COG5: variants seen among roughly 807,000 people sequenced by gnomAD.
The protein encoded by COG5 is conserved oligomeric Golgi complex subunit 5.
Under a neutral mutation model 110.4 loss-of-function variants are expected in COG5, and 86 were observed. The observed-to-expected ratio is 0.78, with a 90% CI of 0.65 to 0.93. COG5 has a LOEUF of 0.93. COG5 is among the 40% of genes least tolerant of loss of function. COG5 has a pLI of 0.00. For missense variants in COG5, 1,077 were observed against 987.0 expected (o/e 1.09, Z -1.22); for synonymous variants, 360 against 334.6 (o/e 1.08, Z -0.83).
At chr7:107,244,773 CTAA>C (rs1229524337) in intron 17 of COG5, among the ~76,000 whole-genome samples, 1 of 152,112 alleles carries the variant, frequency 6.6e-6, no homozygotes, top group African/African-American at 2.4e-5. Flanking sequence ...CCTGAACAGA[CTAA>C]TAATGAGTTC....
intron 10 of COG5, among the ~76,000 whole-genome samples, chr7:107,354,204 G>T (rs1453160542): frequency 6.6e-6 from 1 of 152,132 alleles, no homozygotes; most frequent in Non-Finnish European, 1.5e-5. Context: ...CTTGACATTA[G>T]TTTATTTAAG....
At chr7:107,358,991 G>T (rs552893242) in intron 10 of COG5, among the ~76,000 whole-genome samples, 2 of 152,160 alleles carry the variant, frequency 1.3e-5, no homozygotes, top group African/African-American at 2.4e-5. Context: ...ATATGCTGGC[G>T]ATGGCAGGGG....
intron 6 of COG5, among the ~76,000 whole-genome samples, chr7:107,509,897 A>C (rs1460995979): frequency 2.0e-5 from 3 of 152,350 alleles, no homozygotes; most frequent in East Asian, 3.9e-4. Context: ...CTCCTGAAAG[A>C]AGCACTAAAC....
intron 19 of COG5, among the ~76,000 whole-genome samples, chr7:107,217,731 T>C (rs915663617): frequency 1.3e-5 from 2 of 152,032 alleles, no homozygotes; most frequent in East Asian, 3.9e-4. Context: ...AACGGCCACA[T>C]ACGATAAGCC....
At chr7:107,215,245 A>G (rs1302085091) in intron 19 of COG5, among the ~76,000 whole-genome samples, 1 of 152,216 alleles carries the variant, frequency 6.6e-6, no homozygotes, top group Non-Finnish European at 1.5e-5. Context: ...ACAAGGAAAC[A>G]AAGCATCCAC....
In COG5 at chr7:107,201,491, A is replaced by ACT; in HGVS notation, c.*2023_*2024dup. The ACT allele has an allele frequency of 3.8e-6, 4 of 1,064,770 alleles. No individual in the cohort carries two copies. The highest frequency in any genetic ancestry group is 5.8e-6 in the Non-Finnish European group (4 of 690,360). 66.0% of individuals were successfully genotyped at this position (1,064,770 alleles called of 1,614,324 possible). On this transcript the variant is annotated 3_prime_UTR_variant, in exon 22 of 22. Transcript: ENST00000297135. The stretch of plus-strand genomic sequence containing the variant: ...ATATACATTGACTCTTGATGGAAAG[A>ACT]CTTAAGAAGATCAAGGTCTCACCAT...
In COG5 at chr7:107,462,544, A is replaced by G. The variant is rs6949860; in HGVS notation, c.539-49912T>C. 5.4e-3 allele frequency among the ~76,000 whole-genome samples: 821 copies of G among 151,208 alleles called. 8 individuals are homozygous for G. The highest frequency in any genetic ancestry group is 0.019 in the African/African-American group (791 of 41,056). The stretch of plus-strand genomic sequence containing the variant: ...GGGGAGCCTTAAACCCCAGAGGGAA[A>G]GGCAACAACCCCAATATGCTTTGAG... On this transcript the variant is annotated intron_variant, in intron 6 of 21. Transcript: ENST00000297135.
In COG5 at chr7:107,457,360, G is replaced by GA. The variant is rs1491182439; in HGVS notation, c.539-44729dup. ...TACCCAAACAAATTAAAGCTATGAG[G>GA]AGAAAAAAAAAAAAAAAAGCATCAA... On this transcript the variant is annotated intron_variant, in intron 6 of 21. Coordinates refer to ENST00000297135, the MANE Select transcript of COG5 (RefSeq NM_006348.5). Among the ~76,000 whole-genome samples, 695 of 133,560 alleles carry GA rather than the reference G, an allele frequency of 5.2e-3. 9 individuals are homozygous for GA. The highest frequency in any genetic ancestry group is 0.019 in the African/African-American group (671 of 35,606). The allele number at this position is 133,560 out of a possible 152,430, so 87.6% of individuals were successfully genotyped here.
chr7:107,249,416 AG>A (rs901044755), intron 16 of COG5, among the ~76,000 whole-genome samples: 2 of 152,152 alleles, frequency 1.3e-5, no homozygotes, highest in African/African-American at 4.8e-5. Context: ...ACTGTTCAAC[AG>A]GGAGGTATAA....
intron 6 of COG5, among the ~76,000 whole-genome samples, chr7:107,509,025 C>A (rs886694715): frequency 2.0e-5 from 3 of 152,132 alleles, no homozygotes; most frequent in African/African-American, 7.2e-5. Context: ...TCCTCACCAG[C>A]AATGGAACAA....
rs1473283482 is a variant in COG5, at chr7:107,474,050, G to A, written c.538+53187C>T. ...CACTTTCTAGGGAAAAAAACCAACTGCTCCAAAAGAATGTGTTTTTCTCCC... is the reference window on the plus strand; with the variant it reads ...CACTTTCTAGGGAAAAAAACCAACTACTCCAAAAGAATGTGTTTTTCTCCC... On this transcript the variant is annotated intron_variant, in intron 6 of 21. Transcript: ENST00000297135. The surrounding 1 kb of genome is among the most constrained non-coding windows in gnomAD (Gnocchi z 5.7). 2 of 1,462,078 alleles carry A rather than the reference G, an allele frequency of 1.4e-6. No individual in the cohort carries two copies. Among genetic ancestry groups the A allele is most frequent in the African/African-American group, 1.4e-5 (1 of 70,772 alleles). 90.6% of individuals were successfully genotyped at this position (1,462,078 alleles called of 1,614,324 possible). A position where few individuals can be genotyped will look rare whatever the true frequency, so the allele number is the denominator to read the frequency against.
At chr7:107,511,284 A>G (rs1396773641) in intron 6 of COG5, among the ~76,000 whole-genome samples, 4 of 152,240 alleles carry the variant, frequency 2.6e-5, no homozygotes, top group Non-Finnish European at 5.9e-5. Flanking sequence ...CAAATAAACT[A>G]GACAATCTAG....
chr7:107,227,943 C>A (rs1335043566), intron 19 of COG5, among the ~76,000 whole-genome samples: 1 of 152,122 alleles, frequency 6.6e-6, no homozygotes, highest in African/African-American at 2.4e-5. Flanking sequence ...TTATTTTATA[C>A]ATGCACGTGC....
intron 6 of COG5, among the ~76,000 whole-genome samples, chr7:107,451,932 G>A (rs1180627997): frequency 6.6e-6 from 1 of 151,962 alleles, no homozygotes; most frequent in African/African-American, 2.4e-5. Context: ...GACTGCATGG[G>A]GAGTCAGCAA....
chr7:107,345,771 A>AT (rs1358699243), intron 10 of COG5, among the ~76,000 whole-genome samples: 1 of 152,218 alleles, frequency 6.6e-6, no homozygotes, highest in African/African-American at 2.4e-5. Flanking sequence ...TAAACACAAG[A>AT]AATCACATGA....
At position 107,554,310 on chromosome 7, in the gene COG5, T is replaced by C. The variant is rs763508355; in HGVS notation, c.267A>G (p.Gln89=). Residue 89 remains glutamine (Q), a synonymous_variant, in exon 3 of 22, where the codon CAA becomes CAG. Coordinates refer to ENST00000297135, the MANE Select transcript of COG5 (RefSeq NM_006348.5). The part of the protein sequence containing the change: ...VVARHEDLLA[Q]ATGIESLEGV... ...CTTCCAACGACTCAATCCCAGTTGCTTGTGCCAGTAAATCTTCATGTCTTG... is the reference window on the plus strand; with the variant it reads ...CTTCCAACGACTCAATCCCAGTTGCCTGTGCCAGTAAATCTTCATGTCTTG... 5.8e-5 allele frequency: 93 copies of C among 1,613,964 alleles called. No individual in the cohort carries two copies. The South Asian group carries it at 1.0e-3, about 17-fold the overall frequency.
chr7:107,291,171 T>C (rs1806140133), intron 12 of COG5, among the ~76,000 whole-genome samples: 1 of 152,218 alleles, frequency 6.6e-6, no homozygotes, highest in Non-Finnish European at 1.5e-5. Context: ...CCTCTCCTTG[T>C]GGTATTCCTA....
chr7:107,541,591 G>A (rs1351321583), intron 5 of COG5, among the ~76,000 whole-genome samples: 1 of 138,180 alleles, frequency 7.2e-6, no homozygotes. Flanking sequence ...AAATATAAAT[G>A]TCATAACAGA....
intron 5 of COG5, among the ~76,000 whole-genome samples, chr7:107,533,532 T>G (rs566247593): frequency 6.6e-6 from 1 of 151,418 alleles, no homozygotes; most frequent in Non-Finnish European, 1.5e-5. Context: ...CAAGTATCAA[T>G]AGCCGAATAG....
Sources: allele counts gnomAD v4.1 joint callset (sites outside exome capture counted in the v4.1 genomes callset), GRCh38; gene constraint gnomAD v4.1.1; non-coding constraint Gnocchi (gnomAD v3.1); transcripts MANE v1.5; gene names NCBI Gene and HGNC (gene_info 2026-07-23, HGNC 2026-07-21).